Variants in KATNA1 observed in about 807,000 individuals in gnomAD.
KATNA1 encodes katanin catalytic subunit A1, also known as katanin p60 ATPase-containing subunit A1.
Under a neutral mutation model 62.6 loss-of-function variants are expected in KATNA1, and 42 were observed. That is an observed-to-expected ratio of 0.67 (90% CI 0.52 to 0.87). The LOEUF is 0.87. Among genes scored for constraint, KATNA1 ranks in the 40% least tolerant of loss-of-function variants. KATNA1 has a pLI of 0.00. For synonymous variants in KATNA1, 186 were observed against 201.9 expected (o/e 0.92, Z 0.67); for missense variants, 498 against 612.5 (o/e 0.81, Z 1.97).
At chr6:149,617,718 T>C (rs979023439) in intron 4 of KATNA1, among the ~76,000 whole-genome samples, 1 of 152,066 alleles carries the variant, frequency 6.6e-6, no homozygotes, top group Non-Finnish European at 1.5e-5. Context: ...GTGGATCACC[T>C]AAGGTCAGGA....
intron 2 of KATNA1, among the ~76,000 whole-genome samples, chr6:149,634,950 T>TC (rs1780012547): frequency 3.3e-5 from 5 of 151,840 alleles, no homozygotes; most frequent in Admixed American, 3.3e-4. Flanking sequence ...TCTTTTTTTT[T>TC]TTTTTCAAAT....
chr6:149,599,853 A>G (rs1778472183), intron 7 of KATNA1, among the ~76,000 whole-genome samples: 1 of 152,086 alleles, frequency 6.6e-6, no homozygotes, highest in Admixed American at 6.6e-5. Context: ...AAAAGAGGCT[A>G]ACTTTACTTG....
chr6:149,626,875 T>C (rs936388844), intron 3 of KATNA1, among the ~76,000 whole-genome samples: 6 of 151,272 alleles, frequency 4.0e-5, no homozygotes, highest in Non-Finnish European at 8.8e-5. Context: ...TCCCAGTTAC[T>C]TGGAAAGCTG....
intron 4 of KATNA1, among the ~76,000 whole-genome samples, chr6:149,618,852 GT>G (rs1779284756): frequency 1.3e-5 from 2 of 152,198 alleles, no homozygotes; most frequent in South Asian, 4.1e-4. Flanking sequence ...AGATATAAAC[GT>G]TTACACCTGA....
intron 2 of KATNA1, among the ~76,000 whole-genome samples, chr6:149,636,077 T>C (rs1780056220): frequency 6.6e-6 from 1 of 151,266 alleles, no homozygotes; most frequent in Admixed American, 6.6e-5. Context: ...AACCAGAAAA[T>C]GGTAAAAAAT....
In KATNA1 at chr6:149,638,524, C is replaced by T; in HGVS notation, c.24G>A (p.Glu8=). The T allele has an allele frequency of 6.2e-7, 1 of 1,613,326 alleles. No homozygotes were observed. The highest frequency in any genetic ancestry group is 8.5e-7 in the Non-Finnish European group (1 of 1,179,670). ...CATATTCACGAGCCAATTTTACATT[C>T]TCACTAATCATAAGAAGACTCATGT... MSLLMIS[E]NVKLAREYAL... is the part of the protein sequence containing the mutation. Residue 8 remains glutamate, a synonymous_variant, in exon 2 of 11, where the codon GAG becomes GAA. Coordinates refer to ENST00000367411, the MANE Select transcript of KATNA1 (RefSeq NM_007044.4).
intron 4 of KATNA1, among the ~76,000 whole-genome samples, chr6:149,615,966 A>G (rs1779153230): frequency 6.6e-6 from 1 of 152,206 alleles, no homozygotes; most frequent in African/African-American, 2.4e-5. Flanking sequence ...GGCTATAAAT[A>G]AGCCTGTCAC....
intron 2 of KATNA1, among the ~76,000 whole-genome samples, chr6:149,633,949 C>T (rs1294795288): frequency 1.3e-5 from 2 of 150,876 alleles, no homozygotes; most frequent in Non-Finnish European, 3.0e-5. Context: ...AAGAGTGAAA[C>T]TCCGGCTCAA....
At chr6:149,638,197 C>T (rs1780140895) in intron 2 of KATNA1, among the ~76,000 whole-genome samples, 189 bp downstream of exon 2, 1 of 152,152 alleles carries the variant, frequency 6.6e-6, no homozygotes, top group Non-Finnish European at 1.5e-5. Context: ...TGGACTTGAA[C>T]TCCTGGCCTC....
chr6:149,630,457 C>T (rs181505404), intron 3 of KATNA1, among the ~76,000 whole-genome samples: 38 of 152,146 alleles, frequency 2.5e-4, no homozygotes, highest in African/African-American at 8.2e-4. Flanking sequence ...GGTGAAACCC[C>T]GTCTCTACTA....
At chr6:149,609,780 G>A (rs981702077) in intron 4 of KATNA1, among the ~76,000 whole-genome samples, 1 of 110,342 alleles carries the variant, frequency 9.1e-6, no homozygotes, top group African/African-American at 3.7e-5. Flanking sequence ...TTCAGCCTGG[G>A]CGACAGAGCT....
chr6:149,639,927 G>T (rs984462095), intron 1 of KATNA1, among the ~76,000 whole-genome samples: 3 of 152,172 alleles, frequency 2.0e-5, no homozygotes, highest in African/African-American at 7.2e-5. Flanking sequence ...TTAAACATCT[G>T]CAGAATAAAT....
intron 4 of KATNA1, among the ~76,000 whole-genome samples, chr6:149,613,006 T>G (rs1416694095): frequency 6.7e-6 from 1 of 150,256 alleles, no homozygotes; most frequent in African/African-American, 2.4e-5. Flanking sequence ...CGGTGAAACC[T>G]CATCTCTACT....
chr6:149,597,054 A>C lies in KATNA1; in HGVS notation c.1277+9T>G. The C allele has an allele frequency of 1.9e-6, 3 of 1,609,508 alleles. No homozygotes were observed. The highest frequency in any genetic ancestry group is 2.5e-6 in the Non-Finnish European group (3 of 1,178,846). On this transcript the variant is annotated intron_variant, in intron 10 of 10. Transcript: ENST00000367411. ...TTACAAAAACCTATGCTTCCATGATAATTCATACCTGCACACGTTGGTAAT... is the reference window on the plus strand; with the variant it reads ...TTACAAAAACCTATGCTTCCATGATCATTCATACCTGCACACGTTGGTAAT...
At chr6:149,616,782 T>C (rs112037623) in intron 4 of KATNA1, among the ~76,000 whole-genome samples, 1 of 152,102 alleles carries the variant, frequency 6.6e-6, no homozygotes, top group African/African-American at 2.4e-5. Flanking sequence ...GGAATTACCA[T>C]ATGACCCAGC....
rs1023111154 is a variant in KATNA1, at chr6:149,648,560, G to C, written c.-105C>G. ...TCCCGGCAGCGAGGAAGGAGGGCCT[G>C]ACCCAGTCCAGCCCACTTTGCTCTC... On this transcript the variant is annotated 5_prime_UTR_variant, in exon 1 of 11. Transcript: ENST00000367411. 3 of 152,408 alleles carry C rather than the reference G, an allele frequency of 2.0e-5. No individual in the cohort carries two copies. The highest frequency in any genetic ancestry group is 7.2e-5 in the African/African-American group (3 of 41,406). The allele number at this position is 152,408 out of a possible 1,614,324, so 9.4% of individuals were successfully genotyped here. A position where few individuals can be genotyped will look rare whatever the true frequency, so the allele number is the denominator to read the frequency against.
rs544379629 is a variant in KATNA1, at chr6:149,626,292, C to CTTTTT, written c.321-3014_321-3010dup. Among the ~76,000 whole-genome samples the CTTTTT allele has an allele frequency of 2.3e-4, 20 of 88,722 alleles. 1 individual carries two copies. Among genetic ancestry groups the CTTTTT allele is most frequent in the Non-Finnish European group, 3.3e-4 (17 of 51,010 alleles). 58.2% of individuals were successfully genotyped at this position (88,722 alleles called of 152,430 possible). ...GAAACAACTATTTATATAACATTTA[C>CTTTTT]TTTTTTTTTTTTTTTTTTTTGAGAC... is the stretch of plus-strand genomic sequence containing the variant. On this transcript the variant is annotated intron_variant, in intron 3 of 10. Coordinates refer to ENST00000367411, the MANE Select transcript of KATNA1 (RefSeq NM_007044.4).
chr6:149,602,209 C>T (rs1172266670), intron 6 of KATNA1, among the ~76,000 whole-genome samples: 2 of 151,958 alleles, frequency 1.3e-5, no homozygotes, highest in Non-Finnish European at 2.9e-5. Context: ...TACTAAAATA[C>T]AAAAAAAGTT....
chr6:149,599,245 G>T (rs925462882), intron 7 of KATNA1, among the ~76,000 whole-genome samples: 9 of 152,100 alleles, frequency 5.9e-5, no homozygotes, highest in African/African-American at 2.2e-4. Flanking sequence ...TGGAGAGAGG[G>T]AAAGAGTGAA....
Sources: allele counts gnomAD v4.1 joint callset (sites outside exome capture counted in the v4.1 genomes callset), GRCh38; gene constraint gnomAD v4.1.1; transcripts MANE v1.5; gene names NCBI Gene and HGNC (gene_info 2026-07-23, HGNC 2026-07-21).